Variants in ATP5MJ observed in about 807,000 individuals in gnomAD.
ATP5MJ encodes ATP synthase membrane subunit j.
ATP5MJ carries 4 observed loss-of-function variants against 8.3 expected under a neutral mutation model. That is an observed-to-expected ratio of 0.48 (90% CI 0.24 to 1.11). ATP5MJ has a LOEUF of 1.11. Ranked by LOEUF, ATP5MJ falls within the 50% of genes least tolerant of loss-of-function variation. The pLI is 0.18. For synonymous variants in ATP5MJ, 23 were observed against 21.3 expected, an observed-to-expected ratio of 1.08 and a Z score of -0.23; for missense variants, 66 against 71.8, an observed-to-expected ratio of 0.92 and a Z score of 0.29.
chr14:103,921,106 G>T (rs2087674921), intron 1 of ATP5MJ: 2 of 1,379,990 alleles, frequency 1.4e-6, no homozygotes, highest in East Asian at 5.0e-5. Context: ...GGAGAGAAGG[G>T]ACTGGATGTG....
intron 1 of ATP5MJ, among the ~76,000 whole-genome samples, chr14:103,919,729 T>C (rs1310194518): frequency 6.6e-6 from 1 of 152,176 alleles, no homozygotes; most frequent in Non-Finnish European, 1.5e-5. Context: ...GGCCTGCTAT[T>C]CAGTAGCTTG....
intron 2 of ATP5MJ, 130 bp downstream of exon 2, chr14:103,914,936 G>T: frequency 8.6e-7 from 1 of 1,168,110 alleles, no homozygotes; most frequent in Non-Finnish European, 1.2e-6. Context: ...TATTTTTTAC[G>T]AAGGACTGTA....
rs547865881 is a variant in ATP5MJ at position 103,912,665 on chromosome 14, G to C, written c.*1C>G. On this transcript the variant is annotated 3_prime_UTR_variant, in exon 4 of 4. Transcript: ENST00000286953. ...TTCACATGTACTCCAAGTAAATCTG[G>C]TTAGTGATGACCAGGAGCAGGCGCT... 4 of 1,614,008 alleles carry C rather than the reference G, an allele frequency of 2.5e-6. No homozygotes were observed. In the East Asian group the frequency reaches 8.9e-5, roughly 36 times the overall value.
intron 1 of ATP5MJ, chr14:103,921,262 G>C (rs2152108543): frequency 2.0e-6 from 1 of 504,898 alleles, no homozygotes; most frequent in South Asian, 2.3e-5. Flanking sequence ...GGCCAAGGAG[G>C]GAAACGCGGC....
intron 1 of ATP5MJ, among the ~76,000 whole-genome samples, chr14:103,917,524 A>C (rs1430555486): frequency 6.6e-6 from 1 of 151,588 alleles, no homozygotes; most frequent in East Asian, 1.9e-4. Flanking sequence ...AATTCAGTTT[A>C]GAATCTGGAA....
rs1206713295 is a variant in ATP5MJ at position 103,920,931 on chromosome 14, AACTATTACCTGAC to A, written c.-1+526_-1+538del. On this transcript the variant is annotated intron_variant, in intron 1 of 3. Transcript: ENST00000286953. ...GTTTTGGCACATTACATTAAGGGCGAACTATTACCTGACACTGGAAATGGGAAATGTCTGACCC... is the reference window on the plus strand; with the variant it reads ...GTTTTGGCACATTACATTAAGGGCGAACTGGAAATGGGAAATGTCTGACCC... 6 of 1,545,988 alleles carry A rather than the reference AACTATTACCTGAC, an allele frequency of 3.9e-6. No homozygotes were observed. The African/African-American group carries it at 8.2e-5, about 21-fold the overall frequency.
chr14:103,918,358 G>A (rs1028929913), intron 1 of ATP5MJ, among the ~76,000 whole-genome samples: 3 of 146,956 alleles, frequency 2.0e-5, no homozygotes, highest in Non-Finnish European at 4.6e-5. Context: ...TTGTTTCAGA[G>A]GTTTTTTTTT....
intron 2 of ATP5MJ, chr14:103,914,192 C>T: frequency 1.7e-6 from 1 of 592,648 alleles, no homozygotes; most frequent in Non-Finnish European, 3.0e-6. Flanking sequence ...TGCAGGGCTC[C>T]TTACCTTCTA....
At chr14:103,918,979 A>G (rs1000300711) in intron 1 of ATP5MJ, among the ~76,000 whole-genome samples, 5 of 148,282 alleles carry the variant, frequency 3.4e-5, no homozygotes, top group East Asian at 2.2e-4. Context: ...CCAAGATTGC[A>G]CCACTGCACT....
At chr14:103,915,937 CAT>C (rs1047734903) in intron 1 of ATP5MJ, among the ~76,000 whole-genome samples, 7 of 152,276 alleles carry the variant, frequency 4.6e-5, no homozygotes, top group Middle Eastern at 3.4e-3. Context: ...CTGAACTGCA[CAT>C]GACTCTAATG....
rs545229773 is a variant in ATP5MJ at position 103,921,220 on chromosome 14, G to A, written c.-1+250C>T. 5.1e-4 allele frequency: 298 copies of A among 587,824 alleles called. 1 individual carries two copies. The highest frequency in any genetic ancestry group is 6.9e-4 in the Admixed American group (24 of 34,626). The allele number at this position is 587,824 out of a possible 1,614,324, so 36.4% of individuals were successfully genotyped here. Reference sequence around the variant, plus strand: ...CCAAGGTACGCTCCCTGTCAAAACCGTGGGAGAATTCAGGTGCACTGAGCG... The same window carrying A: ...CCAAGGTACGCTCCCTGTCAAAACCATGGGAGAATTCAGGTGCACTGAGCG... On this transcript the variant is annotated intron_variant, in intron 1 of 3. Transcript: ENST00000286953.
At chr14:103,920,603 C>G (rs1484895016) in intron 1 of ATP5MJ, among the ~76,000 whole-genome samples, 1 of 151,330 alleles carries the variant, frequency 6.6e-6, no homozygotes, top group Non-Finnish European at 1.5e-5. Flanking sequence ...TCCCGAGTAG[C>G]TGGGACTACA....
intron 1 of ATP5MJ, among the ~76,000 whole-genome samples, chr14:103,917,789 C>G (rs1403442235): frequency 1.3e-5 from 2 of 152,206 alleles, no homozygotes; most frequent in Non-Finnish European, 2.9e-5. Context: ...TTACTTCCTA[C>G]ACTGCTTCCC....
At chr14:103,914,128 T>C in intron 2 of ATP5MJ, 144 bp from the exon 3 acceptor site, 1 of 725,230 alleles carries the variant, frequency 1.4e-6, no homozygotes, top group South Asian at 2.0e-5. Flanking sequence ...AGCCAAGAAA[T>C]GGTAAAATTC....
chr14:103,918,257 A>C (rs1482751113), intron 1 of ATP5MJ: 1 of 152,328 alleles, frequency 6.6e-6, no homozygotes, highest in East Asian at 1.9e-4. Context: ...AGCATTCTAC[A>C]GGACCGATGG....
chr14:103,912,918 G>C, intron 3 of ATP5MJ: 1 of 550,026 alleles, frequency 1.8e-6, no homozygotes, highest in South Asian at 2.5e-5. Context: ...AGCGCAAAGA[G>C]AGAGGCAGGG....
At chr14:103,917,317 C>A (rs887560168) in intron 1 of ATP5MJ, among the ~76,000 whole-genome samples, 1 of 152,152 alleles carries the variant, frequency 6.6e-6, no homozygotes, top group Non-Finnish European at 1.5e-5. Flanking sequence ...TGTTGAGTGT[C>A]TGGTACTGTA....
intron 2 of ATP5MJ, chr14:103,914,381 C>T (rs2087606243): frequency 5.6e-6 from 3 of 540,452 alleles, no homozygotes; most frequent in Non-Finnish European, 9.9e-6. Flanking sequence ...TGAAAAGGTG[C>T]AATGAAATAC....
intron 1 of ATP5MJ, among the ~76,000 whole-genome samples, chr14:103,919,828 GC>G (rs199783768): frequency 0.031 from 4,629 of 150,308 alleles, 109 homozygotes; most frequent in Non-Finnish European, 0.047. Flanking sequence ...TAAAACGAGG[GC>G]CCCCCCTTTT....
Sources: allele counts gnomAD v4.1 joint callset (sites outside exome capture counted in the v4.1 genomes callset), GRCh38; gene constraint gnomAD v4.1.1; transcripts MANE v1.5; gene names NCBI Gene and HGNC (gene_info 2026-07-23, HGNC 2026-07-21).